Variants in MCU observed in about 807,000 individuals in gnomAD.
MCU encodes the protein calcium uniporter protein, mitochondrial.
In MCU, 12 loss-of-function variants were observed where a neutral mutation model predicts 45.2. That is an observed-to-expected ratio of 0.27 (90% CI 0.17 to 0.43). The LOEUF (loss-of-function observed/expected upper bound fraction) is 0.43, where lower values mean the gene tolerates loss of function less well. Ranked by LOEUF, MCU falls within the 20% of genes least tolerant of loss-of-function variation. The pLI, the probability that MCU is intolerant of heterozygous loss-of-function variation, is 1.00. For missense variants in MCU, 324 were observed against 436.7 expected (o/e 0.74, Z 2.30); for synonymous variants, 160 against 165.1 (o/e 0.97, Z 0.24).
intron 1 of MCU, among the ~76,000 whole-genome samples, chr10:72,704,345 A>G (rs937063449): frequency 3.3e-5 from 5 of 152,194 alleles, no homozygotes; most frequent in African/African-American, 1.2e-4. Context: ...CATTCAATTC[A>G]CGGTCTGTTT....
At chr10:72,700,440 T>TA (rs939318179) in intron 1 of MCU, among the ~76,000 whole-genome samples, 1 of 152,168 alleles carries the variant, frequency 6.6e-6, no homozygotes, top group African/African-American at 2.4e-5. Context: ...TAATAACTGT[T>TA]AAAAAACCTT....
In MCU at chr10:72,869,606, AC is replaced by A. The variant is rs1845509688; in HGVS notation, c.657+744del. The stretch of plus-strand genomic sequence containing the variant: ...GTCTCAAAAACAAACAAACAAAAAA[AC>A]AACAACAACAAAATAACAATACAAC... On this transcript the variant is annotated intron_variant, in intron 5 of 7. Transcript: ENST00000373053. Among the ~76,000 whole-genome samples, 6 of 152,088 alleles carry A rather than the reference AC, an allele frequency of 3.9e-5. 1 individual carries two copies. Among genetic ancestry groups the A allele is most frequent in the Middle Eastern group, 3.4e-3 (1 of 294 alleles).
intron 1 of MCU, among the ~76,000 whole-genome samples, chr10:72,763,984 T>G (rs1222080241): frequency 6.6e-6 from 1 of 152,176 alleles, no homozygotes; most frequent in Non-Finnish European, 1.5e-5. Flanking sequence ...TCAGCCTAAA[T>G]TTCTATTTTT....
In MCU at chr10:72,816,803, A is replaced by G. The variant is rs541111542; in HGVS notation, c.151-17556A>G. Reference sequence around the variant, plus strand: ...AGTACATAATCTGGTGAGGTTACAGACCTTCATTACAAAAGAATCTTCTGG... The same window carrying G: ...AGTACATAATCTGGTGAGGTTACAGGCCTTCATTACAAAAGAATCTTCTGG... On this transcript the variant is annotated intron_variant, in intron 1 of 7. Transcript: ENST00000373053. Among the ~76,000 whole-genome samples, 34 of 152,308 alleles carry G rather than the reference A, an allele frequency of 2.2e-4. No homozygotes were observed. In the South Asian group the frequency reaches 5.6e-3, roughly 25 times the overall value.
intron 1 of MCU, among the ~76,000 whole-genome samples, chr10:72,703,660 T>G (rs1842784870): frequency 6.6e-6 from 1 of 152,120 alleles, no homozygotes; most frequent in Non-Finnish European, 1.5e-5. Flanking sequence ...ATCCCAGCAC[T>G]TTGGGAGGTG....
At chr10:72,849,137 C>T (rs983581467) in intron 2 of MCU, among the ~76,000 whole-genome samples, 5 of 151,808 alleles carry the variant, frequency 3.3e-5, no homozygotes, top group Non-Finnish European at 5.9e-5. Flanking sequence ...AAAAATTAGC[C>T]GGGCATGGTG....
intron 1 of MCU, among the ~76,000 whole-genome samples, chr10:72,782,486 T>C (rs1212744180): frequency 6.6e-6 from 1 of 152,030 alleles, no homozygotes; most frequent in Admixed American, 6.5e-5. Flanking sequence ...TTCTCATGCC[T>C]CCAGCCTCCT....
At chr10:72,786,315 G>A (rs146463976) in intron 1 of MCU, among the ~76,000 whole-genome samples, 11 of 152,246 alleles carry the variant, frequency 7.2e-5, no homozygotes, top group African/African-American at 2.6e-4. Flanking sequence ...AAAGAGATGG[G>A]TTGAGAATCA....
intron 1 of MCU, among the ~76,000 whole-genome samples, chr10:72,778,622 G>C (rs762000188): frequency 1.4e-4 from 22 of 152,090 alleles, no homozygotes; most frequent in Non-Finnish European, 2.8e-4. Context: ...ATTCATGCTA[G>C]CAAGAACACT....
chr10:72,778,868 A>G (rs1265132056), intron 1 of MCU, among the ~76,000 whole-genome samples: 5 of 152,192 alleles, frequency 3.3e-5, no homozygotes, highest in African/African-American at 1.2e-4. Flanking sequence ...AAAAAATTTC[A>G]GTGGGGAAAA....
At chr10:72,709,583 G>GT (rs148389525) in intron 1 of MCU, among the ~76,000 whole-genome samples, 8,000 of 150,490 alleles carry the variant, frequency 0.053, 714 homozygotes, top group African/African-American at 0.18. Context: ...ATTTTCTGGT[G>GT]TTTTTTTTTC....
Position 72,866,499 on chromosome 10 carries a change from C to T in MCU, c.497-2204C>T, listed in dbSNP as rs1324648474. Among the ~76,000 whole-genome samples, 22 of 152,200 alleles carry T rather than the reference C, an allele frequency of 1.4e-4. No individual in the cohort carries two copies. The East Asian group carries it at 3.5e-3, about 24-fold the overall frequency. ...TGCAACCTCTGCCTCTGGGTTCAAGCGAGTCTCCAGCCTCAGCCTCCCCAG... is the reference window on the plus strand; with the variant it reads ...TGCAACCTCTGCCTCTGGGTTCAAGTGAGTCTCCAGCCTCAGCCTCCCCAG... On this transcript the variant is annotated intron_variant, in intron 4 of 7. Transcript: ENST00000373053.
intron 1 of MCU, among the ~76,000 whole-genome samples, chr10:72,821,874 A>T (rs1844717543): frequency 6.6e-6 from 1 of 152,240 alleles, no homozygotes; most frequent in South Asian, 2.1e-4. Context: ...GTCCTAATAC[A>T]TTTCAAGGGA....
chr10:72,727,703 A>G (rs1271899362), intron 1 of MCU, among the ~76,000 whole-genome samples: 1 of 152,146 alleles, frequency 6.6e-6, no homozygotes, highest in Admixed American at 6.5e-5. Context: ...GGGAAGCACT[A>G]TGCTACATAT....
chr10:72,787,969 G>A (rs892919901), intron 1 of MCU, among the ~76,000 whole-genome samples: 1 of 151,670 alleles, frequency 6.6e-6, no homozygotes, highest in Non-Finnish European at 1.5e-5. Flanking sequence ...CATCCGCCTC[G>A]GCCTCCCAAA....
intron 1 of MCU, among the ~76,000 whole-genome samples, chr10:72,784,739 GC>G (rs1455295421): frequency 1.3e-5 from 2 of 152,116 alleles, no homozygotes; most frequent in African/African-American, 4.8e-5. Flanking sequence ...GTGAGTGAGG[GC>G]TGGCTGTGCA....
chr10:72,862,043 A>G (rs1589501724), intron 4 of MCU, among the ~76,000 whole-genome samples: 2 of 145,020 alleles, frequency 1.4e-5, no homozygotes, highest in Middle Eastern at 7.2e-3. Flanking sequence ...GTGCAGTGGC[A>G]CAATATCGGC....
intron 1 of MCU, among the ~76,000 whole-genome samples, chr10:72,755,949 T>C (rs1401621658): frequency 6.6e-6 from 1 of 151,936 alleles, no homozygotes; most frequent in Non-Finnish European, 1.5e-5. Flanking sequence ...GGTCAAGCAG[T>C]CCTCCCACCT....
intron 6 of MCU, among the ~76,000 whole-genome samples, chr10:72,873,023 T>G (rs1421625577): frequency 1.4e-5 from 2 of 138,608 alleles, no homozygotes; most frequent in Non-Finnish European, 3.1e-5. Flanking sequence ...GTTTTTTTTT[T>G]TTTTTTTTTT....
Sources: gnomAD v4.1 joint callset for allele counts (sites outside exome capture counted in the v4.1 genomes callset) on GRCh38, gnomAD v4.1.1 for gene constraint, MANE v1.5 for transcripts, NCBI Gene and HGNC (gene_info 2026-07-23, HGNC 2026-07-21) for gene names.